ZDHHC7: variants seen among roughly 807,000 people sequenced by gnomAD.
The protein encoded by ZDHHC7 is zDHHC palmitoyltransferase 7.
A neutral mutation model predicts 34.1 loss-of-function variants in ZDHHC7; 12 were observed. That is an observed-to-expected ratio of 0.35 (90% CI 0.23 to 0.57). The LOEUF is 0.57. ZDHHC7 is among the 20% of genes least tolerant of loss of function. The pLI is 0.84. For synonymous variants in ZDHHC7, 185 were observed against 155.4 expected, an observed-to-expected ratio of 1.19 and a Z score of -1.42; for missense variants, 388 against 402.7, an observed-to-expected ratio of 0.96 and a Z score of 0.31.
intron 1 of ZDHHC7, among the ~76,000 whole-genome samples, chr16:85,000,291 G>C (rs562676120): frequency 6.6e-6 from 1 of 152,314 alleles, no homozygotes; most frequent in South Asian, 2.1e-4. Flanking sequence ...GCGAGCAGTG[G>C]AGTCACTTTT....
rs950111272 is a variant in ZDHHC7 at position 84,995,648 on chromosome 16, C to A, written c.-18+274G>T. The stretch of plus-strand genomic sequence containing the variant: ...CTCAAAAAAAACAGACAAAAAAAAC[C>A]AAACCACTTTCCATTTCAGGTGGAA... On this transcript the variant is annotated intron_variant, in intron 2 of 7. Coordinates refer to ENST00000313732, the MANE Select transcript of ZDHHC7 (RefSeq NM_017740.3). Among the ~76,000 whole-genome samples, 5 of 147,796 alleles carry A rather than the reference C, an allele frequency of 3.4e-5. No homozygotes were observed. The Middle Eastern group carries it at 0.01, about 306-fold the overall frequency.
At chr16:85,010,612 A>G (rs2072778235) in intron 1 of ZDHHC7, among the ~76,000 whole-genome samples, 1 of 152,228 alleles carries the variant, frequency 6.6e-6, no homozygotes, top group Admixed American at 6.5e-5. Flanking sequence ...AGCCGCATCA[A>G]CACTGTCTCT....
At chr16:84,992,910 T>C (rs556645384) in intron 2 of ZDHHC7, among the ~76,000 whole-genome samples, 1 of 152,326 alleles carries the variant, frequency 6.6e-6, no homozygotes, top group African/African-American at 2.4e-5. Flanking sequence ...GTGGTGAGGA[T>C]TCATTCGCCA....
intron 3 of ZDHHC7, among the ~76,000 whole-genome samples, chr16:84,985,952 CAAAAAAA>C (rs58315276): frequency 2.0e-4 from 11 of 54,028 alleles, no homozygotes; most frequent in South Asian, 7.0e-4. Flanking sequence ...GAGACTGTCT[CAAAAAAA>C]AAAAAAAAAA....
intron 2 of ZDHHC7, among the ~76,000 whole-genome samples, chr16:84,994,418 C>A (rs1292468102): frequency 2.0e-5 from 3 of 152,196 alleles, no homozygotes; most frequent in Admixed American, 2.0e-4. Flanking sequence ...TAATAGGACA[C>A]GTTCCATGAG....
chr16:85,012,108 G>T (rs2072802709), upstream of ZDHHC7, among the ~76,000 whole-genome samples: 1 of 152,188 alleles, frequency 6.6e-6, no homozygotes, highest in Non-Finnish European at 1.5e-5. Context: ...AAGGCCGGGC[G>T]CGGTGGCTCA....
At chr16:84,997,612 G>A (rs1463705992) in intron 1 of ZDHHC7, among the ~76,000 whole-genome samples, 3 of 151,098 alleles carry the variant, frequency 2.0e-5, no homozygotes, top group African/African-American at 7.3e-5. Flanking sequence ...GAGTAGAAAT[G>A]GGCCAGGCAC....
intron 1 of ZDHHC7, among the ~76,000 whole-genome samples, chr16:85,006,443 CACCGGT>C (rs1437642896): frequency 6.6e-6 from 1 of 152,042 alleles, no homozygotes; most frequent in Non-Finnish European, 1.5e-5. Flanking sequence ...GGTGCAGTGG[CACCGGT>C]CTACCTGTAA....
At chr16:84,982,189 CA>C in intron 3 of ZDHHC7, 195 bp from the exon 4 acceptor site, 1 of 534,892 alleles carries the variant, frequency 1.9e-6, no homozygotes, top group East Asian at 4.5e-5. Flanking sequence ...ACTAAAGATA[CA>C]AAAAATTAGC....
intron 1 of ZDHHC7, among the ~76,000 whole-genome samples, chr16:85,001,608 T>C (rs995908170): frequency 2.0e-5 from 3 of 152,122 alleles, no homozygotes; most frequent in African/African-American, 4.8e-5. Context: ...CAGTTGCATA[T>C]GGAAATATCT....
intron 2 of ZDHHC7, among the ~76,000 whole-genome samples, chr16:84,995,705 G>C (rs1326755898): frequency 6.6e-6 from 1 of 152,140 alleles, no homozygotes; most frequent in African/African-American, 2.4e-5. Flanking sequence ...TGTGATACTG[G>C]CCAAGAACTC....
Position 84,976,401 on chromosome 16 carries a change from A to T in ZDHHC7, c.869T>A (p.Phe290Tyr). ...SLLWMNPFVG[F>Y]RFRRLPTRPR... Reference sequence around the variant, plus strand: ...TCTCGTGGGCAGTCGCCTAAATCGGAAGCCCACAAAGGGATTCATCCAGAG... The same window carrying T: ...TCTCGTGGGCAGTCGCCTAAATCGGTAGCCCACAAAGGGATTCATCCAGAG... The change falls in exon 8 of 8, where the codon TTC becomes TAC. Residue 290 changes from phenylalanine (F) to tyrosine (Y), a missense_variant. By Grantham distance (22) the Phe-to-Tyr change is conservative. Transcript: ENST00000313732. 5.0e-6 allele frequency: 8 copies of T among 1,614,096 alleles called. No homozygotes were observed. The highest frequency in any genetic ancestry group is 6.8e-6 in the Non-Finnish European group (8 of 1,180,002).
At chr16:85,000,116 G>C (rs1057240873) in intron 1 of ZDHHC7, among the ~76,000 whole-genome samples, 3 of 151,814 alleles carry the variant, frequency 2.0e-5, no homozygotes, top group African/African-American at 7.3e-5. Flanking sequence ...CTCCAGCCTG[G>C]GCAACAAGCA....
chr16:84,984,922 G>A (rs2072417518), intron 3 of ZDHHC7, among the ~76,000 whole-genome samples: 1 of 152,190 alleles, frequency 6.6e-6, no homozygotes. Context: ...ATGTGCCCAC[G>A]ATGACAGCGG....
intron 3 of ZDHHC7, among the ~76,000 whole-genome samples, chr16:84,988,125 C>A (rs111587046): frequency 1.4e-4 from 21 of 152,132 alleles, no homozygotes; most frequent in African/African-American, 5.1e-4. Flanking sequence ...AAGCCAAGAT[C>A]GCGCCACTGC....
chr16:85,001,487 A>T (rs931634946), intron 1 of ZDHHC7, among the ~76,000 whole-genome samples: 4 of 151,700 alleles, frequency 2.6e-5, no homozygotes, highest in Non-Finnish European at 5.9e-5. Context: ...AAAAAAAATT[A>T]AGTAAATGGA....
At chr16:84,999,054 C>T (rs566889114) in intron 1 of ZDHHC7, among the ~76,000 whole-genome samples, 39 of 152,312 alleles carry the variant, frequency 2.6e-4, no homozygotes, top group African/African-American at 8.2e-4. Context: ...CGTGCCCAGC[C>T]TAAATGCAGC....
chr16:85,003,947 C>CG (rs2072684545), intron 1 of ZDHHC7, among the ~76,000 whole-genome samples: 2 of 152,108 alleles, frequency 1.3e-5, no homozygotes, highest in South Asian at 4.2e-4. Flanking sequence ...CCGGGAGCAC[C>CG]CGGGCTTAGT....
the ZDHHC7 span, among the ~76,000 whole-genome samples, chr16:85,026,124 A>C: frequency 6.6e-6 from 1 of 152,182 alleles, no homozygotes; most frequent in Non-Finnish European, 1.5e-5. Context: ...ACTCTAAATG[A>C]GTCACCTTTT....
Sources: allele counts gnomAD v4.1 joint callset (sites outside exome capture counted in the v4.1 genomes callset), GRCh38; gene constraint gnomAD v4.1.1; transcripts MANE v1.5; gene names NCBI Gene and HGNC (gene_info 2026-07-23, HGNC 2026-07-21).